NINL: variants seen among roughly 807,000 people sequenced by gnomAD.
The protein encoded by NINL is ninein-like protein.
Under a neutral mutation model 160.3 loss-of-function variants are expected in NINL, and 153 were observed. The ratio of observed to expected loss-of-function variants is 0.95; its 90% confidence interval spans 0.84 to 1.09. NINL has a LOEUF of 1.09. Among genes scored for constraint, NINL ranks in the 50% least tolerant of loss-of-function variants. The pLI is 0.00. For synonymous variants in NINL, 800 were observed against 734.8 expected, an observed-to-expected ratio of 1.09 and a Z score of -1.43; for missense variants, 1,829 against 1,764.0, an observed-to-expected ratio of 1.04 and a Z score of -0.66.
At chr20:25,537,570 A>C (rs1269000610) in intron 1 of NINL, among the ~76,000 whole-genome samples, 1 of 152,204 alleles carries the variant, frequency 6.6e-6, no homozygotes, top group Non-Finnish European at 1.5e-5. Context: ...AGAGTACAGA[A>C]TACCATAGTA....
At chr20:25,486,208 G>C (rs970578938) in intron 13 of NINL, among the ~76,000 whole-genome samples, 1 of 152,072 alleles carries the variant, frequency 6.6e-6, no homozygotes, top group African/African-American at 2.4e-5. Context: ...CATATAAAAA[G>C]TTTTTAAATA....
chr20:25,483,831 A>G (rs1323597889), intron 13 of NINL, among the ~76,000 whole-genome samples: 1 of 152,268 alleles, frequency 6.6e-6, no homozygotes, highest in Non-Finnish European at 1.5e-5. Flanking sequence ...GACCTTCAGG[A>G]AGCAGACATA....
At chr20:25,547,847 C>A (rs1209537354) in intron 1 of NINL, among the ~76,000 whole-genome samples, 1 of 152,146 alleles carries the variant, frequency 6.6e-6, no homozygotes, top group African/African-American at 2.4e-5. Flanking sequence ...GCTTCATACA[C>A]GCTGATGGGA....
chr20:25,539,356 A>T (rs1214827661), intron 1 of NINL, among the ~76,000 whole-genome samples: 2 of 152,172 alleles, frequency 1.3e-5, no homozygotes, highest in Non-Finnish European at 2.9e-5. Flanking sequence ...CCTGGCCCAT[A>T]CCTCGCTGTG....
rs115638806 is a variant in NINL, at chr20:25,563,903, C to T, written c.-12+21552G>A. ...AAGAAGAAGAAACAAATCATTAGATCAACAAAATACATAAAGCCAAAATGG... is the reference window on the plus strand; with the variant it reads ...AAGAAGAAGAAACAAATCATTAGATTAACAAAATACATAAAGCCAAAATGG... On this transcript the variant is annotated intron_variant, in intron 1 of 23. Coordinates refer to ENST00000278886, the MANE Select transcript of NINL (RefSeq NM_025176.6). Among the ~76,000 whole-genome samples the T allele has an allele frequency of 2.5e-3, 376 of 152,200 alleles. 1 individual carries two copies. The highest frequency in any genetic ancestry group is 8.7e-3 in the African/African-American group (361 of 41,526).
rs200556753 is a variant in NINL, at chr20:25,491,404, G to A, written c.1432C>T (p.Arg478Cys). 9.2e-5 allele frequency: 149 copies of A among 1,612,650 alleles called. No homozygotes were observed. The highest frequency in any genetic ancestry group is 1.6e-4 in the Middle Eastern group (1 of 6,062). The change falls in exon 11 of 24, where the codon CGC becomes TGC. Residue 478 changes from arginine to cysteine, a missense_variant. Arg to Cys is a radical substitution (Grantham distance 180). Coordinates refer to ENST00000278886, the MANE Select transcript of NINL (RefSeq NM_025176.6). Reference protein sequence around the residue: ...QRAALEWDVGRLQAEEAGLRE... With the variant: ...QRAALEWDVGCLQAEEAGLRE... ...AGGCCAGCCTCCTCAGCCTGCAGGC[G>A]CCCCACGTCCCACTCCAGCGCGGCC...
In NINL at chr20:25,476,252, A is replaced by G. The variant is rs437635; in HGVS notation, c.3039T>C (p.Ser1013=). ...GALEPGCHKH[S]VEVARRGSLP... is the part of the protein sequence containing the mutation. The stretch of plus-strand genomic sequence containing the variant: ...AGGACCCTCTCCTGGCAACCTCCAC[A>G]CTGTGCTTGTGACACCCAGGCTCCA... Residue 1013 remains serine, a synonymous_variant, in exon 17 of 24, where the codon AGT becomes AGC. Coordinates refer to ENST00000278886, the MANE Select transcript of NINL (RefSeq NM_025176.6). The G allele has an allele frequency of 0.45, 729,119 of 1,613,596 alleles. 171,348 individuals are homozygous for G. The highest frequency in any genetic ancestry group is 0.92 in the East Asian group (41,035 of 44,834).
At chr20:25,547,649 G>A (rs2064752309) in intron 1 of NINL, among the ~76,000 whole-genome samples, 1 of 152,202 alleles carries the variant, frequency 6.6e-6, no homozygotes, top group Admixed American at 6.5e-5. Context: ...TGTTAGAAGT[G>A]TTCTGCTGAG....
At chr20:25,553,683 C>T (rs759950620) in intron 1 of NINL, among the ~76,000 whole-genome samples, 8 of 152,122 alleles carry the variant, frequency 5.3e-5, no homozygotes, top group Non-Finnish European at 5.9e-5. Flanking sequence ...GAACCTGGGT[C>T]GAAAAAGAGT....
At chr20:25,508,004 A>C (rs1189336867) in intron 5 of NINL, among the ~76,000 whole-genome samples, 1 of 152,192 alleles carries the variant, frequency 6.6e-6, no homozygotes, top group Non-Finnish European at 1.5e-5. Flanking sequence ...GAGAACACTG[A>C]AATTGCTGGG....
At chr20:25,510,370 C>T (rs2064045222) in intron 5 of NINL, among the ~76,000 whole-genome samples, 1 of 152,228 alleles carries the variant, frequency 6.6e-6, no homozygotes, top group South Asian at 2.1e-4. Context: ...GCCACACCTG[C>T]CAGCTGGGGT....
chr20:25,461,617 G>A lies in NINL; in HGVS notation c.3601C>T (p.Leu1201Phe). The change falls in exon 21 of 24, where the codon CTT (leucine) becomes TTT (phenylalanine). Residue 1201 changes from leucine to phenylalanine, a missense_variant. Leu to Phe is a conservative substitution (Grantham distance 22). Coordinates refer to ENST00000278886, the MANE Select transcript of NINL (RefSeq NM_025176.6). ...GQQQSDQIQK[L>F]RVELECLNQE... ...TTCAGGCATTCAAGTTCAACTCTAA[G>A]TTTTTGGATTTGGTCACTCTGTTTT... 1 of 1,612,696 alleles carries A rather than the reference G, an allele frequency of 6.2e-7. No individual in the cohort carries two copies. Among genetic ancestry groups the A allele is most frequent in the Non-Finnish European group, 8.5e-7 (1 of 1,179,214 alleles).
At position 25,476,535 on chromosome 20, in the gene NINL, A is replaced by T. The variant is rs2063246374; in HGVS notation, c.2756T>A (p.Val919Asp). 1 of 1,600,580 alleles carries T rather than the reference A, an allele frequency of 6.2e-7. No homozygotes were observed. Among genetic ancestry groups the T allele is most frequent in the Non-Finnish European group, 8.5e-7 (1 of 1,179,822 alleles). Residue 919 changes from valine (V) to aspartate (D), a missense_variant, in exon 17 of 24, where the codon GTC (valine) becomes GAC (aspartate). Coordinates refer to ENST00000278886, the MANE Select transcript of NINL (RefSeq NM_025176.6). ...GCCGAAAGGCTCTGGCTCCTTTGGG[A>T]CAATATCCCCATCCACTCCACAGGG... Reference protein sequence around the residue: ...MQPCGVDGDIVPKEPEPFGAS... With the variant: ...MQPCGVDGDIDPKEPEPFGAS...
intron 1 of NINL, among the ~76,000 whole-genome samples, chr20:25,569,520 C>T (rs1303700656): frequency 2.0e-5 from 3 of 152,240 alleles, no homozygotes; most frequent in Non-Finnish European, 4.4e-5. Context: ...GCCTGCAGCT[C>T]TTCCACAGCA....
intron 1 of NINL, among the ~76,000 whole-genome samples, chr20:25,532,439 A>G (rs779641064): frequency 6.6e-6 from 1 of 152,220 alleles, no homozygotes; most frequent in African/African-American, 2.4e-5. Flanking sequence ...TGGCATAGGC[A>G]GTAGGGGGAG....
intron 1 of NINL, among the ~76,000 whole-genome samples, chr20:25,527,242 C>T (rs947459558): frequency 6.6e-6 from 1 of 151,820 alleles, no homozygotes; most frequent in African/African-American, 2.4e-5. Flanking sequence ...CAACCTCTGT[C>T]TCCTGGGTTC....
intron 13 of NINL, among the ~76,000 whole-genome samples, chr20:25,484,738 C>G (rs1330001963): frequency 2.0e-5 from 3 of 152,216 alleles, no homozygotes; most frequent in Non-Finnish European, 4.4e-5. Context: ...GCAGGAAAAT[C>G]ATTTTGCAAC....
intron 23 of NINL, among the ~76,000 whole-genome samples, chr20:25,454,427 G>A (rs1332821987): frequency 2.0e-5 from 3 of 152,136 alleles, no homozygotes; most frequent in South Asian, 2.1e-4. Context: ...TGTTGCTGGC[G>A]AGACGGGCAA....
At chr20:25,467,243 G>T in intron 19 of NINL, 146 bp downstream of exon 19, 1 of 712,684 alleles carries the variant, frequency 1.4e-6, no homozygotes, top group Admixed American at 2.2e-5. Flanking sequence ...GTCTGACTTT[G>T]ATGGGGCCTG....
Sources: allele counts gnomAD v4.1 joint callset (sites outside exome capture counted in the v4.1 genomes callset), GRCh38; gene constraint gnomAD v4.1.1; transcripts MANE v1.5; gene names NCBI Gene and HGNC (gene_info 2026-07-23, HGNC 2026-07-21).